GRIN2A: variants seen among roughly 807,000 people sequenced by gnomAD.
The protein encoded by GRIN2A is glutamate ionotropic receptor NMDA type subunit 2A, also known as glutamate receptor ionotropic, NMDA 2A.
Under a neutral mutation model 113.4 loss-of-function variants are expected in GRIN2A, and 22 were observed. That is an observed-to-expected ratio of 0.19 (90% confidence interval 0.14 to 0.28). GRIN2A has a LOEUF of 0.28. Among genes scored for constraint, GRIN2A ranks in the 10% least tolerant of loss-of-function variants. The pLI is 1.00. For missense variants in GRIN2A, 1,502 were observed against 1,887.0 expected (o/e 0.80, Z 3.78); for synonymous variants, 827 against 738.4 (o/e 1.12, Z -1.94).
chr16:9,852,040 A>C (rs1401169161), intron 4 of GRIN2A, among the ~76,000 whole-genome samples: 1 of 152,194 alleles, frequency 6.6e-6, no homozygotes, highest in Non-Finnish European at 1.5e-5. Context: ...TATAACCTCA[A>C]TGACATAACT....
At chr16:10,121,015 T>C (rs1078693) in intron 2 of GRIN2A, among the ~76,000 whole-genome samples, 128,277 of 152,096 alleles carry the variant, frequency 0.84, 54,908 homozygotes, top group East Asian at 0.92. Flanking sequence ...AGCCCACATT[T>C]AAGCTCATCC....
At chr16:9,987,127 T>G (rs991965003) in intron 2 of GRIN2A, among the ~76,000 whole-genome samples, 1 of 152,190 alleles carries the variant, frequency 6.6e-6, no homozygotes, top group Non-Finnish European at 1.5e-5. Flanking sequence ...CATAATTTGA[T>G]ACTTACTGGT....
At chr16:10,079,902 G>T (rs529506457) in intron 2 of GRIN2A, among the ~76,000 whole-genome samples, 1 of 152,194 alleles carries the variant, frequency 6.6e-6, no homozygotes, top group African/African-American at 2.4e-5. Flanking sequence ...TTGTATCAGA[G>T]AACCCTGGGT....
At chr16:10,179,932 C>G in intron 2 of GRIN2A, 66 bp downstream of exon 2, 1 of 1,364,318 alleles carries the variant, frequency 7.3e-7, no homozygotes. Flanking sequence ...GTCCGAAGAC[C>G]TGCAGCAGCT....
chr16:10,014,889 T>A (rs1005234560), intron 2 of GRIN2A, among the ~76,000 whole-genome samples: 2 of 151,784 alleles, frequency 1.3e-5, no homozygotes, highest in Non-Finnish European at 2.9e-5. Context: ...GAAAAAAAAA[T>A]TTAGCATCTA....
Position 9,820,500 on chromosome 16 carries a change from G to A in GRIN2A, c.2168+1764C>T, listed in dbSNP as rs142801199. Among the ~76,000 whole-genome samples the A allele has an allele frequency of 2.9e-3, 445 of 152,284 alleles. 2 individuals carry two copies. The highest frequency in any genetic ancestry group is 0.01 in the African/African-American group (418 of 41,564). Reference sequence around the variant, plus strand: ...TAACAAAAGAAGCATTATTCATAATGGCCCCAAAATAGGACATTACCCAAA... The same window carrying A: ...TAACAAAAGAAGCATTATTCATAATAGCCCCAAAATAGGACATTACCCAAA... On this transcript the variant is annotated intron_variant, in intron 10 of 12. Coordinates refer to ENST00000330684, the MANE Select transcript of GRIN2A (RefSeq NM_001134407.3).
chr16:9,778,867 A>C (rs547170995), intron 11 of GRIN2A, among the ~76,000 whole-genome samples: 18 of 152,332 alleles, frequency 1.2e-4, no homozygotes, highest in African/African-American at 4.3e-4. Flanking sequence ...AGTCTCCCCG[A>C]GGGAAAACCC....
chr16:10,062,916 C>A (rs1324910251), intron 2 of GRIN2A, among the ~76,000 whole-genome samples: 1 of 151,622 alleles, frequency 6.6e-6, no homozygotes, highest in Non-Finnish European at 1.5e-5. Context: ...CAAAAAGACA[C>A]ATGCACTCAT....
chr16:10,124,490 G>A (rs576076678), intron 2 of GRIN2A, among the ~76,000 whole-genome samples: 84 of 152,228 alleles, frequency 5.5e-4, no homozygotes, highest in Admixed American at 2.7e-3. Flanking sequence ...TTGTTTATCC[G>A]GGCAAGCGGA....
At chr16:10,167,208 T>A (rs2049943495) in intron 2 of GRIN2A, among the ~76,000 whole-genome samples, 1 of 152,124 alleles carries the variant, frequency 6.6e-6, no homozygotes, top group Non-Finnish European at 1.5e-5. Context: ...AAATTGCACA[T>A]AATTTTGACT....
chr16:9,838,769 T>C (rs770081579), intron 7 of GRIN2A, among the ~76,000 whole-genome samples: 1 of 152,162 alleles, frequency 6.6e-6, no homozygotes, highest in Non-Finnish European at 1.5e-5. Flanking sequence ...AAGTTTGAGA[T>C]AAATGAAAGA....
chr16:9,977,238 G>A (rs1416918331), intron 2 of GRIN2A, among the ~76,000 whole-genome samples: 1 of 149,168 alleles, frequency 6.7e-6, no homozygotes, highest in Non-Finnish European at 1.5e-5. Flanking sequence ...GCTGCAGTGA[G>A]CCATGACTGT....
intron 2 of GRIN2A, among the ~76,000 whole-genome samples, chr16:9,961,938 A>ACTCT (rs2045451329): frequency 6.6e-6 from 1 of 152,110 alleles, no homozygotes; most frequent in African/African-American, 2.4e-5. Flanking sequence ...AACAGAACAG[A>ACTCT]GCCCTCAGAA....
intron 2 of GRIN2A, among the ~76,000 whole-genome samples, chr16:10,034,910 G>C (rs1319846985): frequency 2.0e-5 from 3 of 152,196 alleles, no homozygotes; most frequent in Non-Finnish European, 4.4e-5. Context: ...ATTACACATT[G>C]ATACTTTAGC....
intron 2 of GRIN2A, among the ~76,000 whole-genome samples, chr16:10,107,333 C>T (rs866467639): frequency 2.0e-5 from 3 of 152,176 alleles, no homozygotes; most frequent in African/African-American, 4.8e-5. Context: ...AAGGAAACCA[C>T]AAGGCATAAA....
chr16:9,877,658 CCTCT>C (rs1315391033), intron 4 of GRIN2A, among the ~76,000 whole-genome samples: 2 of 126,066 alleles, frequency 1.6e-5, no homozygotes, highest in African/African-American at 3.0e-5. Flanking sequence ...CCCTCTCCCC[CCTCT>C]CTCTCCCCTT....
At chr16:9,857,599 G>A (rs557623808) in intron 4 of GRIN2A, among the ~76,000 whole-genome samples, 1 of 152,314 alleles carries the variant, frequency 6.6e-6, no homozygotes, top group East Asian at 1.9e-4. Context: ...CCACTTGTGA[G>A]CTGTGCCACT....
intron 10 of GRIN2A, among the ~76,000 whole-genome samples, chr16:9,807,443 CAGAG>C (rs1282951303): frequency 8.4e-6 from 1 of 119,118 alleles, no homozygotes; most frequent in Non-Finnish European, 1.8e-5. Context: ...GAGACAGAGA[CAGAG>C]AGAGAGAGAA....
chr16:9,819,000 A>G (rs561094150), intron 10 of GRIN2A, among the ~76,000 whole-genome samples: 5 of 152,326 alleles, frequency 3.3e-5, no homozygotes, highest in African/African-American at 9.6e-5. Context: ...AAAATATGGT[A>G]TATTTGCATA....
Sources: allele counts gnomAD v4.1 joint callset (sites outside exome capture counted in the v4.1 genomes callset), GRCh38; gene constraint gnomAD v4.1.1; transcripts MANE v1.5; gene names NCBI Gene and HGNC (gene_info 2026-07-23, HGNC 2026-07-21).